The following UBXN7 variants were observed in gnomAD, a reference collection of about 807,000 sequenced individuals.
UBXN7 encodes the protein UBX domain-containing protein 7.
Under a neutral mutation model 58.0 loss-of-function variants are expected in UBXN7, and 9 were observed. The observed-to-expected ratio is 0.16, with a 90% CI of 0.09 to 0.27. The LOEUF (loss-of-function observed/expected upper bound fraction) is 0.27, where lower values mean the gene tolerates loss of function less well. Among genes scored for constraint, UBXN7 ranks in the 10% least tolerant of loss-of-function variants. UBXN7 has a pLI of 1.00. For synonymous variants in UBXN7, 208 were observed against 205.0 expected, an observed-to-expected ratio of 1.01 and a Z score of -0.12; for missense variants, 328 against 599.6, an observed-to-expected ratio of 0.55 and a Z score of 4.73.
chr3:196,417,747 A>C (rs1482673212), intron 1 of UBXN7, among the ~76,000 whole-genome samples: 2 of 149,544 alleles, frequency 1.3e-5, no homozygotes, highest in South Asian at 2.1e-4. Context: ...AAAAAAAAAA[A>C]AAAAAAAAAA....
chr3:196,351,185 GC>G lies in UBXN7; in HGVS notation c.*5499del, dbSNP rs1560213547. ...ATTGTATCTTTAAAAAGCTGTTTCTGCCAAAACCAGGTGTGAATCTTATACA... is the reference window on the plus strand; with the variant it reads ...ATTGTATCTTTAAAAAGCTGTTTCTGCAAAACCAGGTGTGAATCTTATACA... On this transcript the variant is annotated 3_prime_UTR_variant, in exon 11 of 11. Coordinates refer to ENST00000296328, the MANE Select transcript of UBXN7 (RefSeq NM_015562.2). 6.6e-6 allele frequency: 1 copy of G among 152,158 alleles called. No individual in the cohort carries two copies. The allele number at this position is 152,158 out of a possible 1,614,324, so 9.4% of individuals were successfully genotyped here. A position where few individuals can be genotyped will look rare whatever the true frequency, so the allele number is the denominator to read the frequency against.
chr3:196,427,270 A>G (rs573123555), intron 1 of UBXN7, among the ~76,000 whole-genome samples: 2 of 152,208 alleles, frequency 1.3e-5, no homozygotes, highest in East Asian at 3.9e-4. Context: ...ACTTTTATTT[A>G]CTTTTTCTTT....
chr3:196,407,512 A>T, intron 1 of UBXN7, 119 bp from the exon 2 acceptor site: 1 of 1,365,602 alleles, frequency 7.3e-7, no homozygotes, highest in Non-Finnish European at 9.6e-7. Flanking sequence ...TTTAGAATGA[A>T]TGACTTTCTT....
At chr3:196,420,799 C>A (rs1730658302) in intron 1 of UBXN7, among the ~76,000 whole-genome samples, 1 of 152,184 alleles carries the variant, frequency 6.6e-6, no homozygotes, top group Non-Finnish European at 1.5e-5. Context: ...TTTCATGCTG[C>A]TATCTCCTAG....
Position 196,417,708 on chromosome 3 carries a change from G to C in UBXN7, c.74-10315C>G, listed in dbSNP as rs1328726755. On this transcript the variant is annotated intron_variant, in intron 1 of 10. Transcript: ENST00000296328. ...GCTTGAGCTCACAAGTTTGAGACCA[G>C]TCTGGGCAAAATGGTTAAAAAAAAA... 2.7e-5 allele frequency among the ~76,000 whole-genome samples: 3 copies of C among 112,162 alleles called. No homozygotes were observed. In the Admixed American group the frequency reaches 3.9e-4, roughly 15 times the overall value. The allele number at this position is 112,162 out of a possible 152,430, so 73.6% of individuals were successfully genotyped here.
chr3:196,426,673 A>G (rs941426187), intron 1 of UBXN7, among the ~76,000 whole-genome samples: 1 of 151,568 alleles, frequency 6.6e-6, no homozygotes, highest in African/African-American at 2.4e-5. Flanking sequence ...AAATGGAGAA[A>G]CCCCGTCTCT....
rs1729649027 is a variant in UBXN7, at chr3:196,393,543, T to C, written c.355+11A>G. The C allele has an allele frequency of 3.1e-6, 5 of 1,611,480 alleles. No homozygotes were observed. The highest frequency in any genetic ancestry group is 4.2e-6 in the Non-Finnish European group (5 of 1,178,512). On this transcript the variant is annotated intron_variant, in intron 4 of 10. Coordinates refer to ENST00000296328, the MANE Select transcript of UBXN7 (RefSeq NM_015562.2). ...AAGAGGGAGATGATAAACTGGTCCA[T>C]AGATACCTACTAGTTTCAGTCTGAA...
chr3:196,392,169 TAATC>T (rs1474711860), intron 4 of UBXN7, among the ~76,000 whole-genome samples: 1 of 152,066 alleles, frequency 6.6e-6, no homozygotes, highest in Non-Finnish European at 1.5e-5. Flanking sequence ...AATATTCACT[TAATC>T]AAAGTAACCT....
At chr3:196,402,208 A>T (rs1730017293) in intron 3 of UBXN7, among the ~76,000 whole-genome samples, 1 of 152,042 alleles carries the variant, frequency 6.6e-6, no homozygotes, top group Non-Finnish European at 1.5e-5. Flanking sequence ...TTTAGTAGAG[A>T]TGGGATTTTG....
chr3:196,421,886 CACTTATTGAAATGGCTTTAAAAAAA>C (rs1730698614), intron 1 of UBXN7, among the ~76,000 whole-genome samples: 1 of 151,900 alleles, frequency 6.6e-6, no homozygotes, highest in African/African-American at 2.4e-5. Context: ...TACCATTACA[CACTTATTGAAATGGCTTTAAAAAAA>C]ACAATGGCCA....
At chr3:196,366,396 G>A (rs1433555196) in intron 8 of UBXN7, among the ~76,000 whole-genome samples, 1 of 151,434 alleles carries the variant, frequency 6.6e-6, no homozygotes, top group East Asian at 1.9e-4. Context: ...CACACCTGTA[G>A]TCCTAGCTAC....
At chr3:196,375,697 G>A (rs1460917134) in intron 5 of UBXN7, among the ~76,000 whole-genome samples, 3 of 152,148 alleles carry the variant, frequency 2.0e-5, no homozygotes, top group African/African-American at 2.4e-5. Context: ...GGAGACTAAC[G>A]TCTGTCCCAG....
At chr3:196,427,848 C>T (rs1730898218) in intron 1 of UBXN7, among the ~76,000 whole-genome samples, 2 of 152,132 alleles carry the variant, frequency 1.3e-5, no homozygotes, top group Non-Finnish European at 2.9e-5. Context: ...TCAGTGGGGC[C>T]GGTTGCAGTG....
chr3:196,413,329 ACT>A (rs945298981), intron 1 of UBXN7, among the ~76,000 whole-genome samples: 6 of 151,970 alleles, frequency 3.9e-5, no homozygotes, highest in African/African-American at 1.5e-4. Context: ...CAAGAGCGAA[ACT>A]CTGTCTCAAA....
intron 1 of UBXN7, among the ~76,000 whole-genome samples, chr3:196,415,144 A>T (rs1351569013): frequency 6.7e-6 from 1 of 148,204 alleles, no homozygotes; most frequent in Non-Finnish European, 1.5e-5. Context: ...GTGTTGTATT[A>T]TCATACTTCT....
chr3:196,386,366 T>A (rs1729396318), intron 5 of UBXN7, among the ~76,000 whole-genome samples: 1 of 74,190 alleles, frequency 1.3e-5, no homozygotes, highest in Non-Finnish European at 2.5e-5. Context: ...CACCCAAGAA[T>A]GATTAATAAA....
At chr3:196,393,876 T>C (rs1329966234) in intron 3 of UBXN7, 1 of 257,464 alleles carries the variant, frequency 3.9e-6, no homozygotes, top group African/African-American at 2.2e-5. Context: ...ATAAAAAAGT[T>C]TAAAAACTTT....
intron 5 of UBXN7, 107 bp downstream of exon 5, chr3:196,391,706 C>T: frequency 2.6e-6 from 2 of 767,460 alleles, no homozygotes; most frequent in Non-Finnish European, 4.1e-6. Context: ...TGCAGTCCAG[C>T]CTGGACGACA....
In UBXN7 at chr3:196,351,103, A is replaced by G. The variant is rs989616532; in HGVS notation, c.*5582T>C. On this transcript the variant is annotated 3_prime_UTR_variant, in exon 11 of 11. Coordinates refer to ENST00000296328, the MANE Select transcript of UBXN7 (RefSeq NM_015562.2). ...GGTCAAAAAAGGCAGAGAGACGGTA[A>G]GAATGACATAATAAAGATACATTCT... is the stretch of plus-strand genomic sequence containing the variant. 6.6e-6 allele frequency: 1 copy of G among 152,264 alleles called. No individual in the cohort carries two copies. The highest frequency in any genetic ancestry group is 1.5e-5 in the Non-Finnish European group (1 of 68,044). 9.4% of individuals were successfully genotyped at this position (152,264 alleles called of 1,614,324 possible). A position where few individuals can be genotyped will look rare whatever the true frequency, so the allele number is the denominator to read the frequency against.
Sources: allele counts gnomAD v4.1 joint callset (sites outside exome capture counted in the v4.1 genomes callset), GRCh38; gene constraint gnomAD v4.1.1; transcripts MANE v1.5; gene names NCBI Gene and HGNC (gene_info 2026-07-23, HGNC 2026-07-21).